CTU1: variants seen among roughly 807,000 people sequenced by gnomAD.
CTU1 encodes cytoplasmic tRNA 2-thiolation protein 1.
A neutral mutation model predicts 12.9 loss-of-function variants in CTU1; 15 were observed. That is an observed-to-expected ratio of 1.16 (90% confidence interval 0.78 to 1.79). The LOEUF is 1.79. Ranked by LOEUF, CTU1 falls within the 40% of genes most tolerant of loss-of-function variation. CTU1 has a pLI of 0.00. For missense variants in CTU1, 553 were observed against 550.5 expected (o/e 1.00, Z -0.05); for synonymous variants, 295 against 275.6 (o/e 1.07, Z -0.70).
intron 2 of CTU1, among the ~76,000 whole-genome samples, chr19:51,099,658 G>T (rs1477386395): frequency 6.6e-6 from 1 of 152,152 alleles, no homozygotes; most frequent in Non-Finnish European, 1.5e-5. Flanking sequence ...AACCTTATCA[G>T]CCTCAGTTAA....
chr19:51,107,467 T>TA (rs1236305971), intron 1 of CTU1, among the ~76,000 whole-genome samples: 2 of 151,876 alleles, frequency 1.3e-5, no homozygotes, highest in Non-Finnish European at 2.9e-5. Flanking sequence ...TTGTCTCAAA[T>TA]AAAAAAAGTG....
chr19:51,104,851 T>G (rs1347007004), intron 1 of CTU1, among the ~76,000 whole-genome samples: 1 of 152,170 alleles, frequency 6.6e-6, no homozygotes, highest in Non-Finnish European at 1.5e-5. Flanking sequence ...GCTGGCTTCA[T>G]GGGTAAAGAG....
At chr19:51,106,761 G>A (rs984935328) in intron 1 of CTU1, among the ~76,000 whole-genome samples, 2 of 149,520 alleles carry the variant, frequency 1.3e-5, no homozygotes, top group African/African-American at 4.9e-5. Context: ...CAAGTGATCC[G>A]CCCGCCTCGG....
rs11084054 is a variant in CTU1, at chr19:51,098,233, C to A, written c.*368G>T. 0.83 allele frequency: 132,824 copies of A among 159,588 alleles called. 55,518 individuals carry two copies. The highest frequency in any genetic ancestry group is 0.91 in the African/African-American group (38,071 of 41,768). 9.9% of individuals were successfully genotyped at this position (159,588 alleles called of 1,614,324 possible). ...AATCCCCACTCGCTCAAGAATCACA[C>A]GGTGTTCAGCCCCCTCCTCCCTGAG... On this transcript the variant is annotated 3_prime_UTR_variant, in exon 3 of 3. Coordinates refer to ENST00000421832, the MANE Select transcript of CTU1 (RefSeq NM_145232.4). The surrounding 1 kb of genome is among the most constrained non-coding windows in gnomAD (Gnocchi z 4.3).
rs1318088123 is a variant in CTU1 at position 51,098,896 on chromosome 19, A to G, written c.752T>C (p.Leu251Pro). ...CCGCGCCGCCTCCAGGCGCTTGAGC[A>G]GGTCCCGGGCGTGGCCGCGGAAGGC... The part of the protein sequence containing the change: ...PEAFRGHARD[L>P]LKRLEAARPS... The change falls in exon 3 of 3, where the codon CTG (leucine) becomes CCG (proline). Residue 251 changes from leucine (L) to proline (P), a missense_variant. Physicochemically the swap from Leu to Pro is moderately conservative, Grantham distance 98 (BLOSUM62 -3). This residue lies in a region of CTU1 where 500 missense variants were observed against 458.5 expected (regional missense o/e 1.09). Coordinates refer to ENST00000421832, the MANE Select transcript of CTU1 (RefSeq NM_145232.4). The surrounding 1 kb of genome is among the most constrained non-coding windows in gnomAD (Gnocchi z 4.3). 5.4e-6 allele frequency: 8 copies of G among 1,493,824 alleles called. No individual in the cohort carries two copies. The highest frequency in any genetic ancestry group is 7.1e-6 in the Non-Finnish European group (8 of 1,124,052). The allele number at this position is 1,493,824 out of a possible 1,614,324, so 92.5% of individuals were successfully genotyped here.
Position 51,099,088 on chromosome 19 carries a change from C to T in CTU1, c.560G>A (p.Gly187Asp), listed in dbSNP as rs2091900855. ...GCCCCGGGCCAGCCGCCCCGCGTCGCCCCGTAGGAAGTTCATGAGCACGGT... is the reference window on the plus strand; with the variant it reads ...GCCCCGGGCCAGCCGCCCCGCGTCGTCCCGTAGGAAGTTCATGAGCACGGT... ...AETVLMNFLR[G>D]DAGRLARGGG... The change falls in exon 3 of 3, where the codon GGC becomes GAC. Residue 187 changes from glycine (G) to aspartate (D), a missense_variant. Transcript: ENST00000421832. 6.5e-7 allele frequency: 1 copy of T among 1,548,606 alleles called. No homozygotes were observed. The highest frequency in any genetic ancestry group is 1.9e-5 in the Admixed American group (1 of 51,416).
intron 2 of CTU1, among the ~76,000 whole-genome samples, chr19:51,101,201 C>T (rs961542791): frequency 2.6e-5 from 4 of 152,176 alleles, no homozygotes; most frequent in Non-Finnish European, 5.9e-5. Flanking sequence ...CTGCCTCGGC[C>T]TCCCAAAGCG....
At chr19:51,106,595 T>C (rs1337815271) in intron 1 of CTU1, among the ~76,000 whole-genome samples, 1 of 151,946 alleles carries the variant, frequency 6.6e-6, no homozygotes, top group Non-Finnish European at 1.5e-5. Flanking sequence ...AACCTCTGCC[T>C]CCCAGGGTCA....
intron 1 of CTU1, among the ~76,000 whole-genome samples, chr19:51,105,487 C>T (rs1022097968): frequency 3.3e-5 from 5 of 152,140 alleles, no homozygotes; most frequent in African/African-American, 1.2e-4. Context: ...TAAAAACTCC[C>T]CAGGCTCAGT....
Position 51,102,627 on chromosome 19 carries a change from C to T in CTU1, c.508+1435G>A, listed in dbSNP as rs558915044. ...TGTCCCTGTCCCTCCAACCCAGGTT[C>T]CTCGCCATGGCCTGGGTGAGCTTTT... On this transcript the variant is annotated intron_variant, in intron 2 of 2. Transcript: ENST00000421832. Among the ~76,000 whole-genome samples the T allele has an allele frequency of 2.0e-5, 3 of 152,322 alleles. No individual in the cohort carries two copies. In the South Asian group the frequency reaches 6.2e-4, roughly 32 times the overall value.
Position 51,098,360 on chromosome 19 carries a change from A to G in CTU1, c.*241T>C. The G allele has an allele frequency of 3.2e-6, 1 of 314,630 alleles. No homozygotes were observed. Among genetic ancestry groups the G allele is most frequent in the South Asian group, 1.5e-4 (1 of 6,866 alleles). 19.5% of individuals were successfully genotyped at this position (314,630 alleles called of 1,614,324 possible). ...CTTAGTCCTGGCCCTCTCCTCTCTC[A>G]GACCTAGGATGGTCCCCCAGCCCCC... is the stretch of plus-strand genomic sequence containing the variant. On this transcript the variant is annotated 3_prime_UTR_variant, in exon 3 of 3. Coordinates refer to ENST00000421832, the MANE Select transcript of CTU1 (RefSeq NM_145232.4). This position sits in a 1 kb window ranked among gnomAD's most constrained non-coding sequence, Gnocchi z 4.3.
At chr19:51,100,322 A>C (rs2122790462) in intron 2 of CTU1, among the ~76,000 whole-genome samples, 1 of 152,272 alleles carries the variant, frequency 6.6e-6, no homozygotes, top group East Asian at 1.9e-4. Flanking sequence ...TTGAAAATGG[A>C]GGAAGAGCCG....
chr19:51,099,518 A>T (rs2091902245), intron 2 of CTU1, among the ~76,000 whole-genome samples: 2 of 152,084 alleles, frequency 1.3e-5, no homozygotes, highest in Admixed American at 1.3e-4. Context: ...CACAACAAAA[A>T]ATCAAAGAGA....
At position 51,104,642 on chromosome 19, in the gene CTU1, G is replaced by T. The variant is rs113573183; in HGVS notation, c.-21-52C>A. The T allele has an allele frequency of 1.9e-5, 23 of 1,195,244 alleles. No homozygotes were observed. The African/African-American group carries it at 2.5e-4, about 13-fold the overall frequency. The allele number at this position is 1,195,244 out of a possible 1,614,324, so 74.0% of individuals were successfully genotyped here. A position where few individuals can be genotyped will look rare whatever the true frequency, so the allele number is the denominator to read the frequency against. On this transcript the variant is annotated intron_variant, in intron 1 of 2. Coordinates refer to ENST00000421832, the MANE Select transcript of CTU1 (RefSeq NM_145232.4). Reference sequence around the variant, plus strand: ...TTACATATGGATTCCGGATTGCAGGGTCCCTGCCATCGGGGAGATTGTCTG... The same window carrying T: ...TTACATATGGATTCCGGATTGCAGGTTCCCTGCCATCGGGGAGATTGTCTG...
intron 2 of CTU1, 131 bp from the exon 3 acceptor site, chr19:51,099,270 G>A (rs2091901563): frequency 4.1e-6 from 3 of 729,326 alleles, no homozygotes; most frequent in African/African-American, 3.8e-5. Context: ...GAGACCCAGG[G>A]CACAGTGGGG....
At position 51,098,706 on chromosome 19, in the gene CTU1, G is replaced by C. The variant is rs1165900608; in HGVS notation, c.942C>G (p.Arg314=). The change falls in exon 3 of 3, where the codon CGC becomes CGG. Residue 314 remains arginine, a synonymous_variant. Transcript: ENST00000421832. The surrounding 1 kb of genome is among the most constrained non-coding windows in gnomAD (Gnocchi z 4.3). ...LLDGLNRGRP[R]LAIGKGRRGL... Reference sequence around the variant, plus strand: ...CCCGGCGGCCCTTGCCGATGGCCAGGCGGGGCCGGCCGCGGTTCAGGCCGT... The same window carrying C: ...CCCGGCGGCCCTTGCCGATGGCCAGCCGGGGCCGGCCGCGGTTCAGGCCGT... The C allele has an allele frequency of 1.6e-6, 2 of 1,271,310 alleles. No individual in the cohort carries two copies. Among genetic ancestry groups the C allele is most frequent in the East Asian group, 3.4e-5 (1 of 29,264 alleles). 78.8% of individuals were successfully genotyped at this position (1,271,310 alleles called of 1,614,324 possible). A position where few individuals can be genotyped will look rare whatever the true frequency, so the allele number is the denominator to read the frequency against.
chr19:51,103,676 G>C (rs1178348532), intron 2 of CTU1, among the ~76,000 whole-genome samples: 1 of 151,932 alleles, frequency 6.6e-6, no homozygotes, highest in African/African-American at 2.4e-5. Context: ...GAAAGAGCTG[G>C]ATTCTGAAAG....
At chr19:51,100,748 C>T (rs1045406947) in intron 2 of CTU1, among the ~76,000 whole-genome samples, 4 of 152,122 alleles carry the variant, frequency 2.6e-5, no homozygotes, top group Non-Finnish European at 4.4e-5. Flanking sequence ...GATTTTAGCC[C>T]GGTGAGACTT....
chr19:51,104,685 G>A (rs2091916097), intron 1 of CTU1, 95 bp from the exon 2 acceptor site: 4 of 990,440 alleles, frequency 4.0e-6, no homozygotes, highest in South Asian at 5.0e-5. Flanking sequence ...CCTCTGCCCG[G>A]AATAGACCAG....
Sources: allele counts gnomAD v4.1 joint callset (sites outside exome capture counted in the v4.1 genomes callset), GRCh38; gene constraint gnomAD v4.1.1; regional missense constraint gnomAD v4.1.1; non-coding constraint Gnocchi (gnomAD v3.1); transcripts MANE v1.5; gene names NCBI Gene and HGNC (gene_info 2026-07-23, HGNC 2026-07-21).